SUSD4: variants seen among roughly 807,000 people sequenced by gnomAD.
The protein encoded by SUSD4 is sushi domain-containing protein 4.
A neutral mutation model predicts 50.5 loss-of-function variants in SUSD4; 41 were observed. The ratio of observed to expected loss-of-function variants is 0.81; its 90% confidence interval spans 0.63 to 1.05. The LOEUF (loss-of-function observed/expected upper bound fraction) is 1.05. Among genes scored for constraint, SUSD4 ranks in the 50% least tolerant of loss-of-function variants. The probability of loss-of-function intolerance (pLI) is 0.00; values close to 1 mark genes in which losing one functional copy is unlikely to be tolerated. For synonymous variants in SUSD4, 257 were observed against 257.3 expected (o/e 1.00, Z 0.01); for missense variants, 580 against 634.7 (o/e 0.91, Z 0.93).
intron 2 of SUSD4, among the ~76,000 whole-genome samples, chr1:223,305,833 AGGCTTAGTAT>A (rs1665504067): frequency 6.6e-6 from 1 of 152,222 alleles, no homozygotes; most frequent in Non-Finnish European, 1.5e-5. Flanking sequence ...TGTGGGCTAA[AGGCTTAGTAT>A]GCAGATTCTA....
At chr1:223,302,636 A>G (rs1454842635) in intron 2 of SUSD4, among the ~76,000 whole-genome samples, 1 of 152,218 alleles carries the variant, frequency 6.6e-6, no homozygotes, top group South Asian at 2.1e-4. Context: ...AATGATAGGT[A>G]GCTCAAGGAC....
intron 5 of SUSD4, among the ~76,000 whole-genome samples, chr1:223,238,060 T>G (rs1241598420): frequency 2.6e-5 from 4 of 152,002 alleles, no homozygotes; most frequent in African/African-American, 9.7e-5. Flanking sequence ...TATTTCTTCT[T>G]GTGTGAGTTT....
intron 3 of SUSD4, among the ~76,000 whole-genome samples, chr1:223,279,883 G>A (rs571902728): frequency 1.2e-4 from 18 of 152,294 alleles, no homozygotes; most frequent in Admixed American, 6.5e-4. Context: ...GACTAACAGC[G>A]GATCTCTCGG....
chr1:223,258,697 C>A (rs1661876845), intron 5 of SUSD4, among the ~76,000 whole-genome samples: 1 of 152,198 alleles, frequency 6.6e-6, no homozygotes, highest in Non-Finnish European at 1.5e-5. Flanking sequence ...CTGCCCAAGT[C>A]ATTACAAATG....
At chr1:223,279,807 T>C (rs1663561128) in intron 3 of SUSD4, among the ~76,000 whole-genome samples, 1 of 118,982 alleles carries the variant, frequency 8.4e-6, no homozygotes, top group Admixed American at 8.5e-5. Flanking sequence ...GAAGTTGAAA[T>C]GAAGGAAAAA....
intron 2 of SUSD4, among the ~76,000 whole-genome samples, chr1:223,309,414 C>T (rs949397380): frequency 3.9e-5 from 6 of 152,078 alleles, no homozygotes; most frequent in Non-Finnish European, 7.4e-5. Context: ...ACAGAGACCC[C>T]GGAGAGCTTC....
At chr1:223,235,006 A>G (rs946327020) in intron 5 of SUSD4, 1 of 1,610,434 alleles carries the variant, frequency 6.2e-7, no homozygotes, top group African/African-American at 1.3e-5. Flanking sequence ...CTGGGGTGGG[A>G]GAGGACTTTA....
intron 2 of SUSD4, among the ~76,000 whole-genome samples, chr1:223,344,439 G>C (rs898033605): frequency 2.6e-5 from 4 of 152,098 alleles, no homozygotes; most frequent in African/African-American, 9.7e-5. Flanking sequence ...TGCTGATGTT[G>C]CACTCTCCTG....
intron 2 of SUSD4, among the ~76,000 whole-genome samples, chr1:223,337,724 A>G (rs1234628513): frequency 1.3e-5 from 2 of 152,206 alleles, no homozygotes; most frequent in South Asian, 2.1e-4. Context: ...CACCGACTAC[A>G]TGGTCAGTTT....
chr1:223,328,810 G>A (rs1667017792), intron 2 of SUSD4, among the ~76,000 whole-genome samples: 1 of 152,146 alleles, frequency 6.6e-6, no homozygotes, highest in Non-Finnish European at 1.5e-5. Context: ...GAATCCATCA[G>A]GGTTTCTGCC....
Position 223,260,022 on chromosome 1 carries a change from T to G in SUSD4, c.724+4608A>C, listed in dbSNP as rs570965966. 3.9e-5 allele frequency among the ~76,000 whole-genome samples: 6 copies of G among 152,302 alleles called. No individual in the cohort carries two copies. The East Asian group carries it at 1.2e-3, about 29-fold the overall frequency. The stretch of plus-strand genomic sequence containing the variant: ...CAGAAAAGACAGAAACATGCTACTA[T>G]TGGTCTCTGGGGAAAATAAACAAAA... On this transcript the variant is annotated intron_variant, in intron 5 of 8. Transcript: ENST00000366878.
chr1:223,363,470 G>C lies in SUSD4; in HGVS notation c.-35-10C>G. ...TCCAGCTTGCAAGAGTCTGCAACCA[G>C]AAGCGGAACACCACAATAAGCCAGT... On this transcript the variant is annotated splice_polypyrimidine_tract_variant and intron_variant, in intron 1 of 8. Transcript: ENST00000366878. 2 of 1,487,458 alleles carry C rather than the reference G, an allele frequency of 1.3e-6. No homozygotes were observed. The highest frequency in any genetic ancestry group is 1.8e-6 in the Non-Finnish European group (2 of 1,107,658). The allele number at this position is 1,487,458 out of a possible 1,614,324, so 92.1% of individuals were successfully genotyped here. A position where few individuals can be genotyped will look rare whatever the true frequency, so the allele number is the denominator to read the frequency against.
chr1:223,284,161 C>T (rs552451070), intron 3 of SUSD4, among the ~76,000 whole-genome samples: 310 of 152,180 alleles, frequency 2.0e-3, no homozygotes, highest in African/African-American at 7.0e-3. Context: ...AGCACACCAA[C>T]ATGGCACATG....
At chr1:223,330,902 A>G (rs1352748738) in intron 2 of SUSD4, among the ~76,000 whole-genome samples, 1 of 152,182 alleles carries the variant, frequency 6.6e-6, no homozygotes, top group Non-Finnish European at 1.5e-5. Context: ...GAACTAGAAG[A>G]TGGAAGGATG....
chr1:223,275,376 T>C lies in SUSD4; in HGVS notation c.362-6701A>G, dbSNP rs1663184684. ...CTCTTAATAAACCCAATTTTAATTA[T>C]TTTATCTTTAAAGAAACTTTAAGGT... On this transcript the variant is annotated intron_variant, in intron 3 of 8. Coordinates refer to ENST00000366878, the MANE Select transcript of SUSD4 (RefSeq NM_017982.4). Among the ~76,000 whole-genome samples the C allele has an allele frequency of 3.9e-5, 6 of 152,202 alleles. No homozygotes were observed. In the South Asian group the frequency reaches 1.2e-3, roughly 31 times the overall value.
Position 223,222,224 on chromosome 1 carries a change from T to G in SUSD4, c.1445-4A>C. The stretch of plus-strand genomic sequence containing the variant: ...TCTTCTTCCATTAGAGGAATCTCTG[T>G]AAAAGAAGAGACGGTTATTAGCTTA... On this transcript the variant is annotated splice_polypyrimidine_tract_variant and splice_region_variant and intron_variant, in intron 8 of 8. Coordinates refer to ENST00000366878, the MANE Select transcript of SUSD4 (RefSeq NM_017982.4). 1 of 1,613,620 alleles carries G rather than the reference T, an allele frequency of 6.2e-7. No homozygotes were observed. The highest frequency in any genetic ancestry group is 8.5e-7 in the Non-Finnish European group (1 of 1,179,780).
At chr1:223,320,310 G>A (rs544552981) in intron 2 of SUSD4, among the ~76,000 whole-genome samples, 3 of 152,130 alleles carry the variant, frequency 2.0e-5, no homozygotes, top group African/African-American at 7.2e-5. Flanking sequence ...GTAATGTGAC[G>A]ACATCATCAG....
At chr1:223,232,275 T>C (rs192392423) in intron 5 of SUSD4, among the ~76,000 whole-genome samples, 2 of 152,322 alleles carry the variant, frequency 1.3e-5, no homozygotes, top group East Asian at 3.9e-4. Flanking sequence ...AATAATACTG[T>C]ATTATACACT....
At chr1:223,307,955 G>A (rs1050257673) in intron 2 of SUSD4, among the ~76,000 whole-genome samples, 2 of 152,094 alleles carry the variant, frequency 1.3e-5, no homozygotes, top group Non-Finnish European at 2.9e-5. Flanking sequence ...GCTGTCCTTG[G>A]ACAACAACAG....
Sources: allele counts gnomAD v4.1 joint callset (sites outside exome capture counted in the v4.1 genomes callset), GRCh38; gene constraint gnomAD v4.1.1; transcripts MANE v1.5; gene names NCBI Gene and HGNC (gene_info 2026-07-23, HGNC 2026-07-21).